Variants in ZNF107 observed in about 807,000 individuals in gnomAD.
ZNF107 encodes C2H2 type zinc-finger protein.
A neutral mutation model predicts 12.3 loss-of-function variants in ZNF107; 19 were observed. That is an observed-to-expected ratio of 1.55 (90% CI 1.08 to 2.27). The LOEUF (loss-of-function observed/expected upper bound fraction) is 2.27. ZNF107 is among the 30% of genes most tolerant of loss of function. The probability of loss-of-function intolerance (pLI) is 0.00; values close to 1 mark genes in which losing one functional copy is unlikely to be tolerated. For missense variants in ZNF107, 958 were observed against 979.9 expected, an observed-to-expected ratio of 0.98 and a Z score of 0.30; for synonymous variants, 317 against 330.5, an observed-to-expected ratio of 0.96 and a Z score of 0.44.
intron 1 of ZNF107, among the ~76,000 whole-genome samples, chr7:64,678,625 A>G (rs1039029949): frequency 1.3e-5 from 2 of 152,212 alleles, no homozygotes; most frequent in Admixed American, 6.5e-5. Context: ...AATTATGGTT[A>G]CAGACAATAT....
Position 64,707,703 on chromosome 7 carries a change from C to A in ZNF107, c.1606C>A (p.Pro536Thr), listed in dbSNP as rs748154883. Reference protein sequence around the residue: ...EHKKIHTGEKPYKCEECGKAF... With the variant: ...EHKKIHTGEKTYKCEECGKAF... Reference sequence around the variant, plus strand: ...TAAGAAAATTCATACTGGAGAGAAACCCTATAAATGTGAGGAATGTGGCAA... The same window carrying A: ...TAAGAAAATTCATACTGGAGAGAAAACCTATAAATGTGAGGAATGTGGCAA... The change falls in exon 4 of 4, where the codon CCC becomes ACC. Residue 536 changes from proline (P) to threonine (T), a missense_variant. Physicochemically the swap from Pro to Thr is conservative, Grantham distance 38 (BLOSUM62 -1). Coordinates refer to ENST00000620827, the MANE Select transcript of ZNF107 (RefSeq NM_001282359.2). The A allele has an allele frequency of 6.2e-7, 1 of 1,612,348 alleles. No homozygotes were observed. The highest frequency in any genetic ancestry group is 8.5e-7 in the Non-Finnish European group (1 of 1,179,496).
At chr7:64,697,344 G>A (rs1355387032) in intron 3 of ZNF107, among the ~76,000 whole-genome samples, 1 of 152,146 alleles carries the variant, frequency 6.6e-6, no homozygotes, top group Admixed American at 6.5e-5. Flanking sequence ...GTAATGGGAT[G>A]GCTGGGTCAA....
chr7:64,694,867 T>C (rs1790234623), intron 3 of ZNF107, among the ~76,000 whole-genome samples: 1 of 152,228 alleles, frequency 6.6e-6, no homozygotes, highest in African/African-American at 2.4e-5. Flanking sequence ...TTACAAGTTA[T>C]GCCTAAAATA....
At chr7:64,680,872 C>T (rs914501114) in intron 1 of ZNF107, among the ~76,000 whole-genome samples, 22 of 152,308 alleles carry the variant, frequency 1.4e-4, no homozygotes, top group African/African-American at 4.3e-4. Context: ...CGCCGTAAGA[C>T]GAACCCCAGC....
intron 3 of ZNF107, among the ~76,000 whole-genome samples, chr7:64,692,428 T>C (rs1229406456): frequency 6.6e-6 from 1 of 152,208 alleles, no homozygotes; most frequent in Non-Finnish European, 1.5e-5. Flanking sequence ...AGTCTTGAAA[T>C]ATAGTTTGAA....
At chr7:64,684,064 C>T (rs567289021) in intron 1 of ZNF107, among the ~76,000 whole-genome samples, 1 of 152,234 alleles carries the variant, frequency 6.6e-6, no homozygotes, top group African/African-American at 2.4e-5. Context: ...ATCTCCACAC[C>T]CCATACCATC....
chr7:64,679,721 T>A (rs1418847405), intron 1 of ZNF107, among the ~76,000 whole-genome samples: 3 of 152,202 alleles, frequency 2.0e-5, no homozygotes, highest in Non-Finnish European at 2.9e-5. Context: ...CATTTTCTTC[T>A]GTAATATGGC....
intron 1 of ZNF107, among the ~76,000 whole-genome samples, chr7:64,668,433 G>A (rs546637743): frequency 1.3e-5 from 2 of 150,418 alleles, no homozygotes; most frequent in East Asian, 4.0e-4. Context: ...TGCTGAGAAC[G>A]ATGGTTTCCA....
intron 1 of ZNF107, among the ~76,000 whole-genome samples, chr7:64,667,449 CCTTTT>C (rs1789046368): frequency 7.4e-6 from 1 of 135,098 alleles, no homozygotes; most frequent in African/African-American, 2.5e-5. Context: ...TGCCTATTTT[CCTTTT>C]ATCTTCCCTA....
chr7:64,691,166 C>A (rs1790104857), intron 1 of ZNF107, 82 bp from the exon 2 acceptor site: 2 of 1,217,092 alleles, frequency 1.6e-6, no homozygotes, highest in African/African-American at 3.2e-5. Context: ...ACCACAGTAC[C>A]CGACTATCCT....
rs1047169729 is a variant in ZNF107, at chr7:64,666,138, T to A, written c.-145T>A. ...GGCTTCCGGGATTTGGCGGGGCCTT[T>A]GTCTCTGGCTGCAGCCGGAGCTCCT... On this transcript the variant is annotated 5_prime_UTR_variant, in exon 1 of 4. Transcript: ENST00000620827. 2.6e-6 allele frequency: 3 copies of A among 1,138,550 alleles called. No individual in the cohort carries two copies. Among genetic ancestry groups the A allele is most frequent in the Non-Finnish European group, 3.8e-6 (3 of 782,714 alleles). 70.5% of individuals were successfully genotyped at this position (1,138,550 alleles called of 1,614,324 possible).
At position 64,691,392 on chromosome 7, in the gene ZNF107, A is replaced by G; in HGVS notation, c.130+18A>G. On this transcript the variant is annotated intron_variant, in intron 2 of 3. Transcript: ENST00000620827. ...CTTTTTGGGTGAGGATAACTTCAAT[A>G]CACAATTCCCAAAATACCCTTAAAG... 1 of 1,428,064 alleles carries G rather than the reference A, an allele frequency of 7.0e-7. No individual in the cohort carries two copies. Among genetic ancestry groups the G allele is most frequent in the Non-Finnish European group, 9.2e-7 (1 of 1,088,972 alleles). The allele number at this position is 1,428,064 out of a possible 1,614,324, so 88.5% of individuals were successfully genotyped here. A position where few individuals can be genotyped will look rare whatever the true frequency, so the allele number is the denominator to read the frequency against.
At chr7:64,670,018 G>A (rs1789162904) in intron 1 of ZNF107, among the ~76,000 whole-genome samples, 1 of 152,174 alleles carries the variant, frequency 6.6e-6, no homozygotes, top group African/African-American at 2.4e-5. Flanking sequence ...AGCCATGGAA[G>A]AAGCCTTTAT....
chr7:64,708,950 A>T lies in ZNF107; in HGVS notation c.*294A>T. 1.9e-6 allele frequency: 1 copy of T among 513,732 alleles called. No individual in the cohort carries two copies. Among genetic ancestry groups the T allele is most frequent in the Non-Finnish European group, 3.6e-6 (1 of 279,526 alleles). The allele number at this position is 513,732 out of a possible 1,614,324, so 31.8% of individuals were successfully genotyped here. ...CTAAACATAAGGTAATTCATACTGG[A>T]GAAAAGCCATACAAATGAGAAGAAT... On this transcript the variant is annotated 3_prime_UTR_variant, in exon 4 of 4. Coordinates refer to ENST00000620827, the MANE Select transcript of ZNF107 (RefSeq NM_001282359.2).
chr7:64,690,899 A>G (rs761916537), intron 1 of ZNF107, among the ~76,000 whole-genome samples: 1 of 151,886 alleles, frequency 6.6e-6, no homozygotes, highest in African/African-American at 2.4e-5. Context: ...GTGCCACTGC[A>G]CCCTGCTAAT....
chr7:64,695,611 CAT>C (rs1790263135), intron 3 of ZNF107, among the ~76,000 whole-genome samples: 1 of 152,036 alleles, frequency 6.6e-6, no homozygotes, highest in African/African-American at 2.4e-5. Flanking sequence ...ATAAATTAGC[CAT>C]ATGTCTATTA....
chr7:64,708,764 A>C lies in ZNF107; in HGVS notation c.*108A>C. 1 of 1,119,860 alleles carries C rather than the reference A, an allele frequency of 8.9e-7. No individual in the cohort carries two copies. Among genetic ancestry groups the C allele is most frequent in the Non-Finnish European group, 1.3e-6 (1 of 796,522 alleles). The allele number at this position is 1,119,860 out of a possible 1,614,324, so 69.4% of individuals were successfully genotyped here. A position where few individuals can be genotyped will look rare whatever the true frequency, so the allele number is the denominator to read the frequency against. On this transcript the variant is annotated 3_prime_UTR_variant, in exon 4 of 4. Transcript: ENST00000620827. ...CAAGTCTTCAACTTTTTCTGCACAC[A>C]CGAGGTATTTTATACTGGTGAGAAA...
chr7:64,686,690 C>T (rs1203876932), intron 1 of ZNF107: 1 of 966,868 alleles, frequency 1.0e-6, no homozygotes, highest in East Asian at 1.1e-4. Flanking sequence ...CAACCAAAAA[C>T]CACAAAAGAA....
rs767016834 is a variant in ZNF107, at chr7:64,706,583, A to G, written c.486A>G (p.Arg162=). The G allele has an allele frequency of 2.5e-6, 4 of 1,611,204 alleles. No individual in the cohort carries two copies. The highest frequency in any genetic ancestry group is 1.7e-6 in the Non-Finnish European group (2 of 1,179,080). Residue 162 remains arginine (R), a synonymous_variant, in exon 4 of 4, where the codon AGA becomes AGG. Transcript: ENST00000620827. The stretch of plus-strand genomic sequence containing the variant: ...TTGATAAATTTTCAAATTCAAATAG[A>G]TATAAGAGAAGACATACAGGAAACA... ...KVFDKFSNSN[R]YKRRHTGNKH...
Sources: gnomAD v4.1 joint callset for allele counts (sites outside exome capture counted in the v4.1 genomes callset) on GRCh38, gnomAD v4.1.1 for gene constraint, MANE v1.5 for transcripts, NCBI Gene and HGNC (gene_info 2026-07-23, HGNC 2026-07-21) for gene names.